Variants in PKHD1 observed in about 807,000 individuals in gnomAD.
PKHD1 encodes fibrocystin.
A neutral mutation model predicts 412.0 loss-of-function variants in PKHD1; 291 were observed. The observed-to-expected ratio is 0.71, with a 90% CI of 0.64 to 0.78. The LOEUF (loss-of-function observed/expected upper bound fraction) is 0.78. PKHD1 is among the 30% of genes least tolerant of loss of function. The probability of loss-of-function intolerance (pLI) is 0.00; values close to 1 mark genes in which losing one functional copy is unlikely to be tolerated. For missense variants in PKHD1, 4,825 were observed against 4,950.7 expected (o/e 0.97, Z 0.76); for synonymous variants, 1,777 against 1,821.5 (o/e 0.98, Z 0.62).
intron 64 of PKHD1, among the ~76,000 whole-genome samples, chr6:51,635,277 A>G (rs1768384380): frequency 6.6e-6 from 1 of 152,156 alleles, no homozygotes; most frequent in Non-Finnish European, 1.5e-5. Flanking sequence ...CATAAAATAT[A>G]GTCAGTCCAT....
Position 51,753,240 on chromosome 6 carries a change from C to A in PKHD1, c.8911G>T (p.Val2971Leu), listed in dbSNP as rs1186088979. Reference protein sequence around the residue: ...PDVSCRGRLFVGSFRKSSREE... With the variant: ...PDVSCRGRLFLGSFRKSSREE... ...CGGCTGGACTTCCTGAAGGACCCCA[C>A]AAACAGTCTCCCCCTACATGATACG... Residue 2971 changes from valine to leucine, a missense_variant, in exon 57 of 67, where the codon GTG becomes TTG. Physicochemically the swap from Val to Leu is conservative, Grantham distance 32 (BLOSUM62 1). Coordinates refer to ENST00000371117, the MANE Select transcript of PKHD1 (RefSeq NM_138694.4). 1 of 1,613,836 alleles carries A rather than the reference C, an allele frequency of 6.2e-7. No homozygotes were observed.
chr6:52,046,311 G>A (rs907443852), intron 23 of PKHD1, 123 bp from the exon 24 acceptor site: 1 of 825,316 alleles, frequency 1.2e-6, no homozygotes, highest in African/African-American at 1.7e-5. Flanking sequence ...AGACCCTTCT[G>A]TCAAAGTAGA....
chr6:52,024,522 C>T, intron 32 of PKHD1, 52 bp downstream of exon 32: 1 of 1,522,628 alleles, frequency 6.6e-7, no homozygotes. Flanking sequence ...GTGAAAGGAG[C>T]TACCAATTCA....
At chr6:51,638,738 T>C in intron 64 of PKHD1, 111 bp downstream of exon 64, 1 of 747,344 alleles carries the variant, frequency 1.3e-6, no homozygotes. Context: ...TTCTAAACTA[T>C]GATGACCTCT....
intron 20 of PKHD1, 115 bp from the exon 21 acceptor site, chr6:52,053,366 C>T (rs1178145439): frequency 1.0e-6 from 1 of 999,966 alleles, no homozygotes; most frequent in Non-Finnish European, 1.5e-6. Flanking sequence ...AGGAGAGAGA[C>T]CCCATGAACC....
intron 43 of PKHD1, among the ~76,000 whole-genome samples, chr6:51,901,638 T>A (rs981056693): frequency 4.7e-5 from 7 of 148,044 alleles, no homozygotes; most frequent in Non-Finnish European, 4.4e-5. Context: ...ACATGCACAA[T>A]GTGCTCATGT....
chr6:51,679,973 C>A (rs112057710), intron 60 of PKHD1, among the ~76,000 whole-genome samples: 1 of 151,982 alleles, frequency 6.6e-6, no homozygotes, highest in African/African-American at 2.4e-5. Flanking sequence ...CTGCTTCTTA[C>A]CCTCTGTGTA....
chr6:52,022,335 G>A (rs879850850), intron 33 of PKHD1, among the ~76,000 whole-genome samples: 5 of 152,110 alleles, frequency 3.3e-5, no homozygotes, highest in Non-Finnish European at 7.4e-5. Context: ...ATAAGAAACC[G>A]AAAACTGAAC....
At chr6:51,965,748 T>C (rs1424979359) in intron 35 of PKHD1, among the ~76,000 whole-genome samples, 1 of 152,148 alleles carries the variant, frequency 6.6e-6, no homozygotes, top group Non-Finnish European at 1.5e-5. Context: ...ATTCATTGTC[T>C]TATCTCTTGG....
intron 37 of PKHD1, among the ~76,000 whole-genome samples, chr6:51,918,352 C>G (rs938007562): frequency 2.6e-5 from 4 of 152,014 alleles, no homozygotes; most frequent in African/African-American, 9.7e-5. Context: ...TCCCCTTGCC[C>G]CCCACCCACT....
intron 60 of PKHD1, among the ~76,000 whole-genome samples, chr6:51,665,277 G>T (rs1773551322): frequency 6.6e-6 from 1 of 152,074 alleles, no homozygotes; most frequent in Non-Finnish European, 1.5e-5. Context: ...AGGTTTCTTT[G>T]TTAGAAATAT....
In PKHD1 at chr6:51,934,360, A is replaced by G. The variant is rs375421085; in HGVS notation, c.5909-38T>C. ...GGGAAAATTGTCAGTCCCTGGGAGG[A>G]TAAGGCTTACCGTTTTGTCAGTTTC... On this transcript the variant is annotated intron_variant, in intron 36 of 66. Transcript: ENST00000371117. 1.3e-5 allele frequency: 18 copies of G among 1,367,208 alleles called. No individual in the cohort carries two copies. In the East Asian group the frequency reaches 1.4e-4, roughly 10 times the overall value. 84.7% of individuals were successfully genotyped at this position (1,367,208 alleles called of 1,614,324 possible).
intron 43 of PKHD1, among the ~76,000 whole-genome samples, chr6:51,888,889 C>T (rs1778642068): frequency 6.6e-6 from 1 of 150,780 alleles, no homozygotes; most frequent in Non-Finnish European, 1.5e-5. Context: ...CAGGCTGCTG[C>T]ACTGCAGTGA....
rs539738170 is a variant in PKHD1 at position 52,079,951 on chromosome 6, T to A, written c.339A>T (p.Gly113=). 9.0e-5 allele frequency: 145 copies of A among 1,612,308 alleles called. 1 individual carries two copies. Among genetic ancestry groups the A allele is most frequent in the South Asian group, 3.6e-4 (33 of 91,058 alleles). ...CTGGATTTGGACTGCTTACCAGCTG[T>A]CCCCCGAAGTATGCTTCCAGGAAGT... ...GLYFLEAYFG[G]QLVSSPNPGP... Residue 113 remains glycine (G), a synonymous_variant, in exon 5 of 67, where the codon GGA becomes GGT. Transcript: ENST00000371117.
chr6:51,984,754 C>T (rs1796004563), intron 35 of PKHD1, among the ~76,000 whole-genome samples: 1 of 152,130 alleles, frequency 6.6e-6, no homozygotes, highest in South Asian at 2.1e-4. Flanking sequence ...ATCTGGAATG[C>T]CTCTAAGGAA....
At chr6:51,896,511 T>C (rs1780046150) in intron 43 of PKHD1, among the ~76,000 whole-genome samples, 1 of 151,918 alleles carries the variant, frequency 6.6e-6, no homozygotes, top group Non-Finnish European at 1.5e-5. Flanking sequence ...AAAACCCATC[T>C]GTACATCACC....
chr6:51,894,797 T>C (rs1208298966), intron 43 of PKHD1, among the ~76,000 whole-genome samples: 1 of 152,222 alleles, frequency 6.6e-6, no homozygotes, highest in Admixed American at 6.5e-5. Flanking sequence ...AATACTATCA[T>C]ACCAATGTCA....
chr6:51,842,997 G>A (rs377087489), intron 50 of PKHD1, among the ~76,000 whole-genome samples: 12 of 152,230 alleles, frequency 7.9e-5, no homozygotes, highest in African/African-American at 1.9e-4. Context: ...GGAGCTGAGC[G>A]TGGGGCCAAG....
At chr6:51,664,185 C>CG (rs1330111561) in intron 60 of PKHD1, among the ~76,000 whole-genome samples, 1 of 152,066 alleles carries the variant, frequency 6.6e-6, no homozygotes, top group East Asian at 1.9e-4. Context: ...ACCCAGAAGC[C>CG]AGTCTGTCAT....
Sources: gnomAD v4.1 joint callset for allele counts (sites outside exome capture counted in the v4.1 genomes callset) on GRCh38, gnomAD v4.1.1 for gene constraint, MANE v1.5 for transcripts, NCBI Gene and HGNC (gene_info 2026-07-23, HGNC 2026-07-21) for gene names.